The following LTO1 variants were observed in gnomAD, a reference collection of about 807,000 sequenced individuals.
LTO1 encodes the protein protein LTO1 homolog.
LTO1 carries 18 observed loss-of-function variants against 19.8 expected under a neutral mutation model. The ratio of observed to expected loss-of-function variants is 0.91; its 90% CI spans 0.63 to 1.35. The LOEUF is 1.35. Among genes scored for constraint, LTO1 ranks in the 40% most tolerant of loss-of-function variants. The pLI is 0.00. For synonymous variants in LTO1, 59 were observed against 59.6 expected, an observed-to-expected ratio of 0.99 and a Z score of 0.05; for missense variants, 175 against 167.9, an observed-to-expected ratio of 1.04 and a Z score of -0.23.
At position 69,673,657 on chromosome 11, in the gene LTO1, A is replaced by G. The variant is rs140329007; in HGVS notation, c.51-336T>C. On this transcript the variant is annotated intron_variant, in intron 1 of 4. Transcript: ENST00000279147. ...ACCCCCAGAGATTCAGTACGTCTGGAGCAAGGCCCTGGAATCTACTTTTCT... is the reference window on the plus strand; with the variant it reads ...ACCCCCAGAGATTCAGTACGTCTGGGGCAAGGCCCTGGAATCTACTTTTCT... 3.5e-3 allele frequency among the ~76,000 whole-genome samples: 521 copies of G among 150,718 alleles called. 3 individuals are homozygous for G. The highest frequency in any genetic ancestry group is 0.012 in the African/African-American group (499 of 41,062).
chr11:69,667,782 C>T (rs1043893437), intron 4 of LTO1, 113 bp downstream of exon 4: 15 of 742,296 alleles, frequency 2.0e-5, no homozygotes, highest in South Asian at 3.1e-5. Flanking sequence ...CGGACAGTTC[C>T]GCGGCGCACG....
intron 1 of LTO1, 81 bp from the exon 2 acceptor site, chr11:69,673,402 C>T: frequency 1.1e-6 from 1 of 941,590 alleles, no homozygotes; most frequent in Non-Finnish European, 1.7e-6. Context: ...CTTGTATTAC[C>T]CGGACCCAGT....
chr11:69,669,666 G>A (rs1856081901), intron 3 of LTO1, among the ~76,000 whole-genome samples: 1 of 152,162 alleles, frequency 6.6e-6, no homozygotes, highest in Non-Finnish European at 1.5e-5. Flanking sequence ...CATCAGAGGC[G>A]GCACACGTCA....
chr11:69,670,203 A>T (rs1276424028), intron 3 of LTO1, among the ~76,000 whole-genome samples: 1 of 152,120 alleles, frequency 6.6e-6, no homozygotes, highest in Non-Finnish European at 1.5e-5. Flanking sequence ...AGCTAGACTG[A>T]GTGTGCTGCT....
chr11:69,671,793 A>G lies in LTO1; in HGVS notation c.183T>C (p.Phe61=). The G allele has an allele frequency of 6.2e-7, 1 of 1,604,392 alleles. No homozygotes were observed. The highest frequency in any genetic ancestry group is 1.3e-5 in the African/African-American group (1 of 74,822). Residue 61 remains phenylalanine (F), a synonymous_variant, in exon 3 of 5, where the codon TTT becomes TTC. Coordinates refer to ENST00000279147, the MANE Select transcript of LTO1 (RefSeq NM_153451.3). The part of the protein sequence containing the change: ...SEIGCYQGFA[F]AWKCLLHSCT... ...AACTGTGCAGTAGACATTTCCATGC[A>G]AAAGCAAAACCTTGGTAGCACCCGA...
At chr11:69,671,690 C>T (rs1259375001) in intron 3 of LTO1, 59 bp downstream of exon 3, 2 of 915,268 alleles carry the variant, frequency 2.2e-6, no homozygotes, top group South Asian at 1.3e-5. Context: ...ATGCTGGTAA[C>T]CCATGGAACT....
In LTO1 at chr11:69,667,549, A is replaced by G. The variant is rs761821069; in HGVS notation, c.384T>C (p.Ile128=). The change falls in exon 5 of 5, where the codon ATT becomes ATC. Residue 128 remains isoleucine, a synonymous_variant. Transcript: ENST00000279147. ...ATGAAAGTCCGGAACCTTCTGCACT[A>G]ATTTTAAAGTCTGGCTGAACATTGA... ...SLLNVQPDFK[I]SAEGSGLSF is the part of the protein sequence containing the mutation. 144 of 1,611,858 alleles carry G rather than the reference A, an allele frequency of 8.9e-5. No homozygotes were observed. Among genetic ancestry groups the G allele is most frequent in the Non-Finnish European group, 1.1e-4 (125 of 1,177,978 alleles).
rs182779079 is a variant in LTO1, at chr11:69,668,355, C to A, written c.228-343G>T. ...CTGGGCAAGAGGGACTGGGGCTGGG[C>A]ACGAGCAGGCCTGCTCTGGGTCTGG... is the stretch of plus-strand genomic sequence containing the variant. On this transcript the variant is annotated intron_variant, in intron 3 of 4. Coordinates refer to ENST00000279147, the MANE Select transcript of LTO1 (RefSeq NM_153451.3). 60 of 210,386 alleles carry A rather than the reference C, an allele frequency of 2.9e-4. 1 individual carries two copies. In the Admixed American group the frequency reaches 3.0e-3, roughly 10 times the overall value. 13.0% of individuals were successfully genotyped at this position (210,386 alleles called of 1,614,324 possible).
rs1856041939 is a variant in LTO1 at position 69,667,063 on chromosome 11, C to T, written c.*456G>A. The T allele has an allele frequency of 6.2e-6, 1 of 162,544 alleles. No individual in the cohort carries two copies. Among genetic ancestry groups the T allele is most frequent in the Admixed American group, 6.3e-5 (1 of 15,960 alleles). The allele number at this position is 162,544 out of a possible 1,614,324, so 10.1% of individuals were successfully genotyped here. ...ACACGGGAGGCACGTCCCGCACCGCCTGGCACACAATCGGCCTCGACATGC... is the reference window on the plus strand; with the variant it reads ...ACACGGGAGGCACGTCCCGCACCGCTTGGCACACAATCGGCCTCGACATGC... On this transcript the variant is annotated 3_prime_UTR_variant, in exon 5 of 5. Coordinates refer to ENST00000279147, the MANE Select transcript of LTO1 (RefSeq NM_153451.3).
chr11:69,674,501 G>C (rs750792250), intron 1 of LTO1: 1 of 334,522 alleles, frequency 3.0e-6, no homozygotes, highest in African/African-American at 2.2e-5. Context: ...CCTGGAAAGT[G>C]ACTGTGCCTC....
Position 69,670,446 on chromosome 11 carries a change from CT to C in LTO1, c.227+1302del, listed in dbSNP as rs1856094659. On this transcript the variant is annotated intron_variant, in intron 3 of 4. Transcript: ENST00000279147. The stretch of plus-strand genomic sequence containing the variant: ...GCACAGGCTGCCAACAGCGATTCCC[CT>C]GGGATCCCCAGCTGCCGGCCGCTGC... Among the ~76,000 whole-genome samples, 6 of 152,228 alleles carry C rather than the reference CT, an allele frequency of 3.9e-5. No homozygotes were observed. The South Asian group carries it at 1.2e-3, about 31-fold the overall frequency.
Position 69,671,732 on chromosome 11 carries a change from G to C in LTO1, c.227+17C>G, listed in dbSNP as rs2119846698. On this transcript the variant is annotated intron_variant, in intron 3 of 4. Coordinates refer to ENST00000279147, the MANE Select transcript of LTO1 (RefSeq NM_153451.3). ...CCTGGTTCCTACGCTGAGAAAGAAAGACATCTCCACCTTTACCTGTCCTTC... is the reference window on the plus strand; with the variant it reads ...CCTGGTTCCTACGCTGAGAAAGAAACACATCTCCACCTTTACCTGTCCTTC... 6.8e-7 allele frequency: 1 copy of C among 1,478,830 alleles called. No homozygotes were observed. The highest frequency in any genetic ancestry group is 9.5e-7 in the Non-Finnish European group (1 of 1,056,636). The allele number at this position is 1,478,830 out of a possible 1,614,324, so 91.6% of individuals were successfully genotyped here.
chr11:69,673,235 C>A lies in LTO1; in HGVS notation c.137G>T (p.Gly46Val). 1.2e-6 allele frequency: 2 copies of A among 1,609,218 alleles called. No homozygotes were observed. Among genetic ancestry groups the A allele is most frequent in the South Asian group, 2.2e-5 (2 of 90,972 alleles). The change falls in exon 2 of 5, where the codon GGA becomes GTA. Residue 46 changes from glycine (G) to valine (V), a missense_variant. Coordinates refer to ENST00000279147, the MANE Select transcript of LTO1 (RefSeq NM_153451.3). ...ACTTACCTCAGACCCGATTTTGGCTCCATGCAGCGTGCCATGCTGCCTTCC... is the reference window on the plus strand; with the variant it reads ...ACTTACCTCAGACCCGATTTTGGCTACATGCAGCGTGCCATGCTGCCTTCC... ...MEGRQHGTLH[G>V]AKIGSEIGCY...
chr11:69,671,360 G>A lies in LTO1; in HGVS notation c.227+389C>T, dbSNP rs530298735. 4.4e-5 allele frequency: 8 copies of A among 181,782 alleles called. 1 individual carries two copies. The South Asian group carries it at 1.0e-3, about 23-fold the overall frequency. 11.3% of individuals were successfully genotyped at this position (181,782 alleles called of 1,614,324 possible). ...TGATGACACTGGTGTCCTCATCTCTGAGCCCAAGTGATACAAAACTGTTAT... is the reference window on the plus strand; with the variant it reads ...TGATGACACTGGTGTCCTCATCTCTAAGCCCAAGTGATACAAAACTGTTAT... On this transcript the variant is annotated intron_variant, in intron 3 of 4. Coordinates refer to ENST00000279147, the MANE Select transcript of LTO1 (RefSeq NM_153451.3).
rs1856040330 is a variant in LTO1 at position 69,666,958 on chromosome 11, A to T, written c.*561T>A. On this transcript the variant is annotated 3_prime_UTR_variant, in exon 5 of 5. Coordinates refer to ENST00000279147, the MANE Select transcript of LTO1 (RefSeq NM_153451.3). ...GCTGCTGGGTGCCCTTAGACCAGGC[A>T]ATCCCTTCGCGTCTCCCCTCCCTCC... 1 of 152,584 alleles carries T rather than the reference A, an allele frequency of 6.6e-6. No individual in the cohort carries two copies. The allele number at this position is 152,584 out of a possible 1,614,324, so 9.5% of individuals were successfully genotyped here.
rs1362899871 is a variant in LTO1 at position 69,665,699 on chromosome 11, C to T, written c.*1820G>A. ...CCCTGATCCCACCATCTAGAAAGAACGAGAGTCTTTCTGGCCCGAAGGCAC... is the reference window on the plus strand; with the variant it reads ...CCCTGATCCCACCATCTAGAAAGAATGAGAGTCTTTCTGGCCCGAAGGCAC... On this transcript the variant is annotated 3_prime_UTR_variant, in exon 5 of 5. Coordinates refer to ENST00000279147, the MANE Select transcript of LTO1 (RefSeq NM_153451.3). The T allele has an allele frequency of 2.0e-5, 3 of 152,164 alleles. No homozygotes were observed. The highest frequency in any genetic ancestry group is 4.4e-5 in the Non-Finnish European group (3 of 68,038). 9.4% of individuals were successfully genotyped at this position (152,164 alleles called of 1,614,324 possible). A position where few individuals can be genotyped will look rare whatever the true frequency, so the allele number is the denominator to read the frequency against.
Position 69,667,510 on chromosome 11 carries a change from C to T in LTO1, c.*9G>A. 6.3e-7 allele frequency: 1 copy of T among 1,582,066 alleles called. No individual in the cohort carries two copies. Reference sequence around the variant, plus strand: ...TCCTCGACGTTCGGTCTCTGTTCATCCATCCTCCTCAAAATGAAAGTCCGG... The same window carrying T: ...TCCTCGACGTTCGGTCTCTGTTCATTCATCCTCCTCAAAATGAAAGTCCGG... On this transcript the variant is annotated 3_prime_UTR_variant, in exon 5 of 5. Coordinates refer to ENST00000279147, the MANE Select transcript of LTO1 (RefSeq NM_153451.3).
Position 69,673,211 on chromosome 11 carries a change from C to T in LTO1, c.156+5G>A. 1 of 1,547,426 alleles carries T rather than the reference C, an allele frequency of 6.5e-7. No homozygotes were observed. The highest frequency in any genetic ancestry group is 1.4e-5 in the African/African-American group (1 of 73,724). On this transcript the variant is annotated splice_donor_5th_base_variant and intron_variant, in intron 2 of 4. Transcript: ENST00000279147. ...CTTCATCTCCAGATGGGGGTTCCCA[C>T]TTACCTCAGACCCGATTTTGGCTCC...
intron 3 of LTO1, among the ~76,000 whole-genome samples, chr11:69,670,386 G>C (rs375133701): frequency 6.6e-5 from 10 of 152,186 alleles, no homozygotes; most frequent in Non-Finnish European, 1.3e-4. Flanking sequence ...CTGGAGTTGA[G>C]AGCCAGGCTC....
Sources: allele counts gnomAD v4.1 joint callset (sites outside exome capture counted in the v4.1 genomes callset), GRCh38; gene constraint gnomAD v4.1.1; transcripts MANE v1.5; gene names NCBI Gene and HGNC (gene_info 2026-07-23, HGNC 2026-07-21).